CSMD1: variants seen among roughly 807,000 people sequenced by gnomAD.
The protein encoded by CSMD1 is CUB and Sushi multiple domains 1, also known as CUB and sushi domain-containing protein 1.
CSMD1 carries 213 observed loss-of-function variants against 417.5 expected under a neutral mutation model. The ratio of observed to expected loss-of-function variants is 0.51; its 90% confidence interval spans 0.46 to 0.57. The LOEUF is 0.57. Ranked by LOEUF, CSMD1 falls within the 20% of genes least tolerant of loss-of-function variation. The pLI is 0.00. For synonymous variants in CSMD1, 2,862 were observed against 1,736.8 expected (o/e 1.65, Z -16.11); for missense variants, 6,923 against 4,529.7 (o/e 1.53, Z -15.17).
At chr8:4,148,580 G>T (rs1292092823) in intron 3 of CSMD1, among the ~76,000 whole-genome samples, 1 of 152,066 alleles carries the variant, frequency 6.6e-6, no homozygotes, top group Non-Finnish European at 1.5e-5. Context: ...AGCTCTAGGA[G>T]ACCAGCTGTC....
At chr8:4,448,307 T>A (rs12216876) in intron 2 of CSMD1, among the ~76,000 whole-genome samples, 1 of 152,226 alleles carries the variant, frequency 6.6e-6, no homozygotes, top group Admixed American at 6.5e-5. Context: ...ACATTTTGTT[T>A]GCCGATCTAG....
intron 3 of CSMD1, among the ~76,000 whole-genome samples, chr8:4,063,846 G>C (rs1025469070): frequency 1.9e-4 from 29 of 152,218 alleles, no homozygotes; most frequent in African/African-American, 6.8e-4. Flanking sequence ...ACCAGGAGTA[G>C]ACTATGACTT....
At chr8:3,570,307 G>C (rs540870401) in intron 10 of CSMD1, among the ~76,000 whole-genome samples, 35 of 152,192 alleles carry the variant, frequency 2.3e-4, no homozygotes, top group Admixed American at 2.6e-4. Context: ...GGATATCACT[G>C]GTCACCATAC....
chr8:3,156,888 G>A (rs1409545579), intron 39 of CSMD1, among the ~76,000 whole-genome samples: 1 of 150,870 alleles, frequency 6.6e-6, no homozygotes, highest in Non-Finnish European at 1.5e-5. Context: ...TCACAGGGGA[G>A]GATACGCTCA....
chr8:4,843,390 C>A (rs2116791279), intron 1 of CSMD1, among the ~76,000 whole-genome samples: 1 of 152,170 alleles, frequency 6.6e-6, no homozygotes, highest in Middle Eastern at 3.4e-3. Flanking sequence ...CTTAAGAACC[C>A]TTCATTGTTT....
chr8:3,810,583 G>C (rs772690296), intron 5 of CSMD1, among the ~76,000 whole-genome samples: 1 of 152,130 alleles, frequency 6.6e-6, no homozygotes, highest in Non-Finnish European at 1.5e-5. Flanking sequence ...TTAGAAGGAG[G>C]CTTCTCCGAC....
chr8:4,824,875 G>C (rs113936535), intron 1 of CSMD1, among the ~76,000 whole-genome samples: 1 of 152,228 alleles, frequency 6.6e-6, no homozygotes, highest in Non-Finnish European at 1.5e-5. Context: ...CATTGTAATA[G>C]AACGTGGCCA....
At chr8:4,888,504 TGAGAGA>T (rs147909163) in intron 1 of CSMD1, among the ~76,000 whole-genome samples, 24 of 145,290 alleles carry the variant, frequency 1.7e-4, no homozygotes, top group South Asian at 1.1e-3. Flanking sequence ...GACTGATAGA[TGAGAGA>T]GAGAGAGAGA....
intron 4 of CSMD1, among the ~76,000 whole-genome samples, chr8:4,001,879 A>G (rs1343468279): frequency 6.6e-6 from 1 of 151,414 alleles, no homozygotes; most frequent in South Asian, 2.1e-4. Flanking sequence ...GAAAAAAACA[A>G]TTAAGGTAGC....
chr8:3,947,667 G>A (rs575937668), intron 5 of CSMD1, among the ~76,000 whole-genome samples: 8 of 152,272 alleles, frequency 5.3e-5, no homozygotes, highest in African/African-American at 1.9e-4. Context: ...TAATTATGTT[G>A]TGATAAGATA....
chr8:3,903,708 C>T (rs1807918814), intron 5 of CSMD1, among the ~76,000 whole-genome samples: 1 of 152,126 alleles, frequency 6.6e-6, no homozygotes, highest in African/African-American at 2.4e-5. Context: ...GATACAGCAT[C>T]CTGAAAGAAG....
At chr8:4,286,666 T>C (rs936517993) in intron 3 of CSMD1, among the ~76,000 whole-genome samples, 9 of 152,174 alleles carry the variant, frequency 5.9e-5, no homozygotes, top group African/African-American at 2.2e-4. Flanking sequence ...ATAGCAATCA[T>C]ACTGATTTTG....
At chr8:3,550,892 A>C (rs546767201) in intron 10 of CSMD1, among the ~76,000 whole-genome samples, 22 of 152,136 alleles carry the variant, frequency 1.4e-4, no homozygotes, top group Non-Finnish European at 3.1e-4. Flanking sequence ...CTCTGCTTCC[A>C]CTCGAAAATA....
chr8:3,839,668 AG>A (rs1205371406), intron 5 of CSMD1, among the ~76,000 whole-genome samples: 3 of 147,468 alleles, frequency 2.0e-5, no homozygotes, highest in Non-Finnish European at 3.0e-5. Context: ...AAAAAAAAAA[AG>A]AATCTATCTC....
At chr8:4,966,494 G>C (rs17348819) in intron 1 of CSMD1, among the ~76,000 whole-genome samples, 112 of 152,200 alleles carry the variant, frequency 7.4e-4, no homozygotes, top group African/African-American at 2.6e-3. Context: ...GACACATCGC[G>C]AGGCCCTTAA....
rs1383802432 is a variant in CSMD1, at chr8:3,411,845, T to C, written c.1562-2240A>G. 1.1e-4 allele frequency among the ~76,000 whole-genome samples: 10 copies of C among 87,614 alleles called. 1 individual carries two copies. Among genetic ancestry groups the C allele is most frequent in the Admixed American group, 3.5e-4 (3 of 8,456 alleles). 57.5% of individuals were successfully genotyped at this position (87,614 alleles called of 152,430 possible). On this transcript the variant is annotated intron_variant, in intron 12 of 69. Coordinates refer to ENST00000635120, the MANE Select transcript of CSMD1 (RefSeq NM_033225.6). ...GTATATGTATATATGCACGTATATA[T>C]GCACGTATATATGCACGTATATATG...
At chr8:4,512,125 G>T in intron 2 of CSMD1, among the ~76,000 whole-genome samples, 1 of 152,230 alleles carries the variant, frequency 6.6e-6, no homozygotes, top group East Asian at 1.9e-4. Flanking sequence ...GGTATGCAAG[G>T]CTGGTTCAAT....
intron 5 of CSMD1, among the ~76,000 whole-genome samples, chr8:3,780,257 T>C (rs979893531): frequency 6.6e-6 from 1 of 152,214 alleles, no homozygotes; most frequent in East Asian, 1.9e-4. Context: ...GGTTCTTCCA[T>C]GCTCAGAAAT....
chr8:3,983,923 A>G (rs374132897), intron 5 of CSMD1, among the ~76,000 whole-genome samples: 4 of 151,902 alleles, frequency 2.6e-5, no homozygotes, highest in South Asian at 2.1e-4. Flanking sequence ...CACATCTGAC[A>G]GGGCTGTCAA....
Sources: gnomAD v4.1 joint callset for allele counts (sites outside exome capture counted in the v4.1 genomes callset) on GRCh38, gnomAD v4.1.1 for gene constraint, MANE v1.5 for transcripts, NCBI Gene and HGNC (gene_info 2026-07-23, HGNC 2026-07-21) for gene names.